CD24: variants seen among roughly 807,000 people sequenced by gnomAD.
CD24 encodes CD24 molecule.
CD24 carries 2 observed loss-of-function variants against 3.6 expected under a neutral mutation model. The ratio of observed to expected loss-of-function variants is 0.56; its 90% CI spans 0.23 to 1.77. CD24 has a LOEUF of 1.77. Ranked by LOEUF, CD24 falls within the 40% of genes most tolerant of loss-of-function variation. The pLI is 0.18. For synonymous variants in CD24, 33 were observed against 44.9 expected, an observed-to-expected ratio of 0.74 and a Z score of 1.06; for missense variants, 62 against 93.6, an observed-to-expected ratio of 0.66 and a Z score of 1.39.
At position 106,974,074 on chromosome 6, in the gene CD24, T is replaced by C. The variant is rs1041992143; in HGVS notation, c.69+504A>G. 7.4e-3 allele frequency: 2,923 copies of C among 396,866 alleles called. 68 individuals carry two copies. Among genetic ancestry groups the C allele is most frequent in the East Asian group, 0.072 (2,015 of 27,990 alleles). The allele number at this position is 396,866 out of a possible 1,614,324, so 24.6% of individuals were successfully genotyped here. A position where few individuals can be genotyped will look rare whatever the true frequency, so the allele number is the denominator to read the frequency against. On this transcript the variant is annotated intron_variant, in intron 1 of 1. Coordinates refer to ENST00000606017, the MANE Select transcript of CD24 (RefSeq NM_001359084.1). ...GCCGTAGCTTCTCCGGGATACCCAA[T>C]CCAACTCCGAGGGTGGAGGATGGGC...
rs1391825239 is a variant in CD24 at position 106,970,639 on chromosome 6, C to T, written c.*1022G>A. 2 of 152,104 alleles carry T rather than the reference C, an allele frequency of 1.3e-5. No homozygotes were observed. The highest frequency in any genetic ancestry group is 4.8e-5 in the African/African-American group (2 of 41,418). The allele number at this position is 152,104 out of a possible 1,614,324, so 9.4% of individuals were successfully genotyped here. ...CCAGCCTGGGCAACATGGTGAAACC[C>T]TGTCTCTACTAAAATTACAAAAATT... On this transcript the variant is annotated 3_prime_UTR_variant, in exon 2 of 2. Coordinates refer to ENST00000606017, the MANE Select transcript of CD24 (RefSeq NM_001359084.1).
upstream of CD24, chr6:106,974,808 C>G (rs1232981998): frequency 5.0e-6 from 3 of 599,252 alleles, no homozygotes; most frequent in Non-Finnish European, 7.8e-6. Flanking sequence ...CCGCCCACCC[C>G]GGCTCCCCTC....
In CD24 at chr6:106,971,733, C is replaced by T. The variant is rs1237601109; in HGVS notation, c.171G>A (p.Ala57=). The T allele has an allele frequency of 9.5e-5, 147 of 1,549,318 alleles. No homozygotes were observed. In the African/African-American group the frequency reaches 1.6e-3, roughly 16 times the overall value. The change falls in exon 2 of 2, where the codon GCG becomes GCA. Residue 57 remains alanine, a synonymous_variant. Coordinates refer to ENST00000606017, the MANE Select transcript of CD24 (RefSeq NM_001359084.1). ...APNPTNATTK[A]AGGALQSTAS... The stretch of plus-strand genomic sequence containing the variant: ...CTGTTGACTGCAGGGCACCACCAGC[C>T]GCCTTGGTGGTGGCATTAGTTGGAT...
At position 106,970,513 on chromosome 6, in the gene CD24, A is replaced by G. The variant is rs1772944313; in HGVS notation, c.*1148T>C. 1 of 152,588 alleles carries G rather than the reference A, an allele frequency of 6.6e-6. No homozygotes were observed. The highest frequency in any genetic ancestry group is 1.5e-5 in the Non-Finnish European group (1 of 68,040). 9.5% of individuals were successfully genotyped at this position (152,588 alleles called of 1,614,324 possible). A position where few individuals can be genotyped will look rare whatever the true frequency, so the allele number is the denominator to read the frequency against. ...TAAAAAGTATTCAACATATGCAGAA[A>G]TAAAAAGCATTTTGATGGCTGGGCG... On this transcript the variant is annotated 3_prime_UTR_variant, in exon 2 of 2. Transcript: ENST00000606017.
At chr6:106,976,688 T>G (rs968961486), upstream of CD24, among the ~76,000 whole-genome samples, 2 of 152,062 alleles carry the variant, frequency 1.3e-5, no homozygotes, top group East Asian at 1.9e-4. Flanking sequence ...TAGTCTCTAC[T>G]AAAATTTAGT....
chr6:106,974,228 C>G (rs1773047043), intron 1 of CD24, among the ~76,000 whole-genome samples: 2 of 152,176 alleles, frequency 1.3e-5, no homozygotes, highest in Admixed American at 6.5e-5. Context: ...CCCGAGCTCT[C>G]CAGGCGCTAA....
upstream of CD24, among the ~76,000 whole-genome samples, chr6:106,975,795 A>G (rs1236353372): frequency 6.6e-6 from 1 of 151,996 alleles, no homozygotes; most frequent in East Asian, 1.9e-4. Context: ...GTCCCACTAC[A>G]ATTCACCGTC....
In CD24 at chr6:106,969,866, G is replaced by T. The variant is rs1185177463; in HGVS notation, c.*1795C>A. 1.3e-5 allele frequency: 2 copies of T among 152,498 alleles called. No individual in the cohort carries two copies. Among genetic ancestry groups the T allele is most frequent in the Non-Finnish European group, 2.9e-5 (2 of 68,020 alleles). 9.4% of individuals were successfully genotyped at this position (152,498 alleles called of 1,614,324 possible). On this transcript the variant is annotated 3_prime_UTR_variant, in exon 2 of 2. Transcript: ENST00000606017. ...AGCCATTTCTTTTTATTTACAGTTTGTGTTCAATGCAAATCAATTCCATAA... is the reference window on the plus strand; with the variant it reads ...AGCCATTTCTTTTTATTTACAGTTTTTGTTCAATGCAAATCAATTCCATAA...
upstream of CD24, among the ~76,000 whole-genome samples, chr6:106,976,450 G>A (rs1444066889): frequency 6.6e-6 from 1 of 152,188 alleles, no homozygotes; most frequent in African/African-American, 2.4e-5. Flanking sequence ...AGTCACTTTA[G>A]CTCAGTAACT....
In CD24 at chr6:106,973,803, G is replaced by A. The variant is rs2114900465; in HGVS notation, c.69+775C>T. 1.8e-5 allele frequency: 7 copies of A among 398,518 alleles called. No homozygotes were observed. In the East Asian group the frequency reaches 2.5e-4, roughly 14 times the overall value. 24.7% of individuals were successfully genotyped at this position (398,518 alleles called of 1,614,324 possible). On this transcript the variant is annotated intron_variant, in intron 1 of 1. Transcript: ENST00000606017. ...CCCGCACCCGGGGCGAGGTTCCCCG[G>A]ATGGAGGATCTAGGGAGACCGCGCT...
chr6:106,976,190 C>A (rs2114903820), upstream of CD24, among the ~76,000 whole-genome samples: 1 of 152,296 alleles, frequency 6.6e-6, no homozygotes, highest in East Asian at 1.9e-4. Flanking sequence ...TTTTGCAGAA[C>A]ACTCTCGTTA....
chr6:106,973,933 C>T (rs1033171073), intron 1 of CD24: 265 of 398,554 alleles, frequency 6.6e-4, no homozygotes, highest in Non-Finnish European at 1.0e-3. Context: ...ACATGGGGAT[C>T]CTAAGATGAC....
intron 1 of CD24, 95 bp from the exon 2 acceptor site, chr6:106,971,929 A>T: frequency 1.2e-6 from 1 of 824,046 alleles, no homozygotes; most frequent in Non-Finnish European, 1.9e-6. Context: ...ATATTCTTAG[A>T]TTGCTCTCTT....
rs1446699528 is a variant in CD24, at chr6:106,970,254, A to G, written c.*1407T>C. ...GACCAGGTTCTAACTATCTAAAAAT[A>G]TTGACTGATAACAAAAAGTGTTCTA... On this transcript the variant is annotated 3_prime_UTR_variant, in exon 2 of 2. Coordinates refer to ENST00000606017, the MANE Select transcript of CD24 (RefSeq NM_001359084.1). 1 of 152,602 alleles carries G rather than the reference A, an allele frequency of 6.6e-6. No individual in the cohort carries two copies. The highest frequency in any genetic ancestry group is 2.4e-5 in the African/African-American group (1 of 41,458). 9.5% of individuals were successfully genotyped at this position (152,602 alleles called of 1,614,324 possible). A position where few individuals can be genotyped will look rare whatever the true frequency, so the allele number is the denominator to read the frequency against.
chr6:106,974,312 G>A (rs911736019), intron 1 of CD24, among the ~76,000 whole-genome samples: 483 of 152,364 alleles, frequency 3.2e-3, no homozygotes, highest in Middle Eastern at 0.014. Flanking sequence ...GGACAGCGTG[G>A]AACCTGGGGT....
Position 106,971,585 on chromosome 6 carries a change from A to T in CD24, c.*76T>A. 2 of 1,224,786 alleles carry T rather than the reference A, an allele frequency of 1.6e-6. No homozygotes were observed. The highest frequency in any genetic ancestry group is 2.3e-6 in the Non-Finnish European group (2 of 877,056). The allele number at this position is 1,224,786 out of a possible 1,614,324, so 75.9% of individuals were successfully genotyped here. A position where few individuals can be genotyped will look rare whatever the true frequency, so the allele number is the denominator to read the frequency against. On this transcript the variant is annotated 3_prime_UTR_variant, in exon 2 of 2. Coordinates refer to ENST00000606017, the MANE Select transcript of CD24 (RefSeq NM_001359084.1). ...ATGAAGACCTGTTTTTCCTTGCCAC[A>T]TTGGACTTCCAGACGCCATTTGGAT...
chr6:106,975,520 C>T (rs1418622188), upstream of CD24: 1 of 152,242 alleles, frequency 6.6e-6, no homozygotes, highest in Non-Finnish European at 1.5e-5. Flanking sequence ...GTGAGCGCCT[C>T]GTGTCAGCCA....
At position 106,971,642 on chromosome 6, in the gene CD24, G is replaced by T. The variant is rs1452184582; in HGVS notation, c.*19C>A. On this transcript the variant is annotated 3_prime_UTR_variant, in exon 2 of 2. Coordinates refer to ENST00000606017, the MANE Select transcript of CD24 (RefSeq NM_001359084.1). Reference sequence around the variant, plus strand: ...TAGAAGATGGGGAAATTTAGAAGACGTTTCTTGGCCTGAGTCTCTTAAGAG... The same window carrying T: ...TAGAAGATGGGGAAATTTAGAAGACTTTTCTTGGCCTGAGTCTCTTAAGAG... 35 of 1,543,774 alleles carry T rather than the reference G, an allele frequency of 2.3e-5. No homozygotes were observed. The highest frequency in any genetic ancestry group is 2.9e-5 in the Non-Finnish European group (33 of 1,142,964).
intron 1 of CD24, chr6:106,973,420 G>C (rs1172777639): frequency 2.7e-6 from 1 of 375,980 alleles, no homozygotes; most frequent in East Asian, 3.9e-5. Context: ...ATTGAGGAAG[G>C]CTCGGGAGCG....
Sources: gnomAD v4.1 joint callset for allele counts (sites outside exome capture counted in the v4.1 genomes callset) on GRCh38, gnomAD v4.1.1 for gene constraint, MANE v1.5 for transcripts, NCBI Gene and HGNC (gene_info 2026-07-23, HGNC 2026-07-21) for gene names.